Variants in POLK observed in about 807,000 individuals in gnomAD.
The protein encoded by POLK is polymerase (DNA directed) kappa.
Under a neutral mutation model 94.0 loss-of-function variants are expected in POLK, and 76 were observed. The ratio of observed to expected loss-of-function variants is 0.81; its 90% CI spans 0.67 to 0.98. The LOEUF (loss-of-function observed/expected upper bound fraction) is 0.98, where lower values mean the gene tolerates loss of function less well. POLK is among the 50% of genes least tolerant of loss of function. The probability of loss-of-function intolerance (pLI) is 0.00; values close to 1 mark genes in which losing one functional copy is unlikely to be tolerated. For missense variants in POLK, 954 were observed against 1,010.1 expected, an observed-to-expected ratio of 0.94 and a Z score of 0.75; for synonymous variants, 349 against 325.4, an observed-to-expected ratio of 1.07 and a Z score of -0.78.
chr5:75,544,309 C>T (rs1177685358), intron 1 of POLK, among the ~76,000 whole-genome samples: 1 of 152,038 alleles, frequency 6.6e-6, no homozygotes, highest in Non-Finnish European at 1.5e-5. Context: ...ATCACTCGAG[C>T]CCAGGAATTC....
At chr5:75,530,652 T>C (rs943162522) in intron 1 of POLK, among the ~76,000 whole-genome samples, 3 of 151,862 alleles carry the variant, frequency 2.0e-5, no homozygotes, top group Admixed American at 6.6e-5. Flanking sequence ...TTTACAATTA[T>C]TGTGTTTGTA....
rs1401401564 is a variant in POLK at position 75,596,479 on chromosome 5, T to C, written c.1786T>C (p.Ser596Pro). ...CGTGAATAAACAAAGTTTCCAGACATCACAACCATTCCAAGTTTTAAAGAA... is the reference window on the plus strand; with the variant it reads ...CGTGAATAAACAAAGTTTCCAGACACCACAACCATTCCAAGTTTTAAAGAA... The change falls in exon 13 of 15, where the codon TCA becomes CCA. Residue 596 changes from serine to proline, a missense_variant. Coordinates refer to ENST00000241436, the Ensembl canonical transcript of POLK. 5.6e-6 allele frequency: 9 copies of C among 1,613,982 alleles called. No individual in the cohort carries two copies. In the East Asian group the frequency reaches 2.0e-4, roughly 36 times the overall value.
At chr5:75,554,362 T>A (rs1770484953) in intron 3 of POLK, among the ~76,000 whole-genome samples, 1 of 152,196 alleles carries the variant, frequency 6.6e-6, no homozygotes, top group African/African-American at 2.4e-5. Context: ...TCTTGCCATT[T>A]GTTATGAATA....
chr5:75,522,677 T>G (rs1768644683), intron 1 of POLK, among the ~76,000 whole-genome samples: 1 of 152,146 alleles, frequency 6.6e-6, no homozygotes, highest in African/African-American at 2.4e-5. Context: ...TTATTTTATT[T>G]TTAGCATATC....
downstream of POLK, among the ~76,000 whole-genome samples, chr5:75,605,118 T>TAC (rs3842052): frequency 0.024 from 3,585 of 146,786 alleles, 74 homozygotes; most frequent in African/African-American, 0.056. Context: ...TGTATACACA[T>TAC]ACACACACAC....
chr5:75,576,205 G>C (rs1771866534), intron 5 of POLK, among the ~76,000 whole-genome samples: 1 of 151,966 alleles, frequency 6.6e-6, no homozygotes, highest in Non-Finnish European at 1.5e-5. Context: ...TTCCATTCCA[G>C]ATCTTAATAA....
chr5:75,603,987 A>C (rs1773359652), downstream of POLK, among the ~76,000 whole-genome samples: 1 of 152,124 alleles, frequency 6.6e-6, no homozygotes, highest in African/African-American at 2.4e-5. Context: ...GCTATCTTTC[A>C]CTTATCTCTG....
intron 3 of POLK, among the ~76,000 whole-genome samples, chr5:75,553,555 C>T (rs1770434247): frequency 6.6e-6 from 1 of 152,134 alleles, no homozygotes; most frequent in African/African-American, 2.4e-5. Flanking sequence ...TTTGTCATAT[C>T]ATCATTTTTA....
intron 1 of POLK, among the ~76,000 whole-genome samples, chr5:75,534,669 T>C (rs139287931): frequency 1.3e-5 from 2 of 152,332 alleles, no homozygotes; most frequent in East Asian, 3.9e-4. Flanking sequence ...GTTGAGTGCA[T>C]ATATATTTAG....
chr5:75,571,822 A>G (rs1018130694), intron 4 of POLK, among the ~76,000 whole-genome samples: 2 of 152,198 alleles, frequency 1.3e-5, no homozygotes, highest in Non-Finnish European at 2.9e-5. Flanking sequence ...TCTACAATAT[A>G]CCACAAATCT....
rs537106123 is a variant in POLK, at chr5:75,515,806, C to T, written c.-14+3892C>T. Reference sequence around the variant, plus strand: ...CTTTTTAATAAAAGCCATTTTAGGCCGCCCATGGTGACTGAGGTGAGAGGA... The same window carrying T: ...CTTTTTAATAAAAGCCATTTTAGGCTGCCCATGGTGACTGAGGTGAGAGGA... On this transcript the variant is annotated intron_variant, in intron 1 of 14. Transcript: ENST00000241436. 5.3e-5 allele frequency among the ~76,000 whole-genome samples: 8 copies of T among 152,170 alleles called. No homozygotes were observed. In the East Asian group the frequency reaches 5.8e-4, roughly 11 times the overall value.
exon 7 of POLK, chr5:75,581,237 G>A (rs1772176931): frequency 6.2e-7 from 1 of 1,605,094 alleles, no homozygotes; most frequent in African/African-American, 1.3e-5. Context: ...TTAATAAACT[G>A]AGTGAGCATG....
intron 2 of POLK, among the ~76,000 whole-genome samples, chr5:75,548,114 G>T (rs1024275542): frequency 7.2e-5 from 11 of 152,084 alleles, no homozygotes. Context: ...TAGAGAGGCG[G>T]TCTCACTGTG....
At chr5:75,556,609 T>C (rs1377772589) in intron 3 of POLK, among the ~76,000 whole-genome samples, 1 of 152,218 alleles carries the variant, frequency 6.6e-6, no homozygotes, top group Non-Finnish European at 1.5e-5. Flanking sequence ...ATCTAGATTT[T>C]CTCTTATGTT....
At chr5:75,514,644 G>C (rs1160643648) in intron 1 of POLK, among the ~76,000 whole-genome samples, 6 of 152,160 alleles carry the variant, frequency 3.9e-5, no homozygotes, top group African/African-American at 1.4e-4. Flanking sequence ...GTCTAGTCCA[G>C]ACTTTGGACC....
chr5:75,527,547 G>A (rs895226104), intron 1 of POLK, among the ~76,000 whole-genome samples: 14 of 147,254 alleles, frequency 9.5e-5, no homozygotes, highest in Admixed American at 2.7e-4. Context: ...ACACAAGTAC[G>A]TGTGTGTATA....
intron 9 of POLK, 59 bp from the exon 10 acceptor site, chr5:75,586,967 T>C: frequency 8.3e-7 from 1 of 1,200,408 alleles, no homozygotes; most frequent in Non-Finnish European, 1.2e-6. Flanking sequence ...TAAATCCTCT[T>C]GGTTAACTAA....
intron 1 of POLK, among the ~76,000 whole-genome samples, chr5:75,519,850 T>C (rs1168875408): frequency 6.6e-6 from 1 of 152,186 alleles, no homozygotes; most frequent in African/African-American, 2.4e-5. Context: ...TGTCTTCTAA[T>C]TGGAGACTTG....
At chr5:75,567,213 T>A (rs1771324314) in intron 3 of POLK, among the ~76,000 whole-genome samples, 1 of 151,902 alleles carries the variant, frequency 6.6e-6, no homozygotes, top group Admixed American at 6.5e-5. Flanking sequence ...ATTTATTATC[T>A]TTTTCTTTTC....
Sources: allele counts gnomAD v4.1 joint callset (sites outside exome capture counted in the v4.1 genomes callset), GRCh38; gene constraint gnomAD v4.1.1; transcripts MANE v1.5; gene names NCBI Gene and HGNC (gene_info 2026-07-23, HGNC 2026-07-21).